Variants in RNF43 observed in about 807,000 individuals in gnomAD.
RNF43 encodes E3 ubiquitin-protein ligase RNF43.
Under a neutral mutation model 78.4 loss-of-function variants are expected in RNF43, and 37 were observed. The observed-to-expected ratio is 0.47, with a 90% CI of 0.36 to 0.62. The LOEUF (loss-of-function observed/expected upper bound fraction) is 0.62, where lower values mean the gene tolerates loss of function less well. Ranked by LOEUF, RNF43 falls within the 20% of genes least tolerant of loss-of-function variation. The pLI, the probability that RNF43 is intolerant of heterozygous loss-of-function variation, is 0.00. For missense variants in RNF43, 774 were observed against 1,007.9 expected, an observed-to-expected ratio of 0.77 and a Z score of 3.14; for synonymous variants, 347 against 395.0, an observed-to-expected ratio of 0.88 and a Z score of 1.44.
chr17:58,402,399 G>A (rs1382450536), intron 2 of RNF43, among the ~76,000 whole-genome samples: 1 of 152,178 alleles, frequency 6.6e-6, no homozygotes, highest in East Asian at 1.9e-4. Flanking sequence ...CTTTGCCCAA[G>A]GCATAATTCT....
At chr17:58,412,051 T>A (rs1017731167) in intron 2 of RNF43, among the ~76,000 whole-genome samples, 9 of 152,190 alleles carry the variant, frequency 5.9e-5, no homozygotes, top group Admixed American at 3.3e-4. Context: ...AAAAGTTTCC[T>A]TGACCTAGAT....
chr17:58,353,151 T>A (rs1462537967), downstream of RNF43: 1 of 208,206 alleles, frequency 4.8e-6, no homozygotes, highest in Non-Finnish European at 9.8e-6. Context: ...GCGCTGTCAT[T>A]CCAGCCCAGC....
rs567519841 is a variant in RNF43 at position 58,369,533 on chromosome 17, C to G, written c.375+1378G>C. On this transcript the variant is annotated intron_variant, in intron 3 of 9. Transcript: ENST00000407977. ...AAGGCCGGGAGTGTCACTCTCCTCT[C>G]TCACCACCCTTGGGGGCATACCCGT... is the stretch of plus-strand genomic sequence containing the variant. 3.9e-5 allele frequency among the ~76,000 whole-genome samples: 6 copies of G among 152,362 alleles called. No individual in the cohort carries two copies. The East Asian group carries it at 1.2e-3, about 29-fold the overall frequency.
intron 2 of RNF43, among the ~76,000 whole-genome samples, chr17:58,406,970 ATTT>A (rs992668552): frequency 6.6e-6 from 1 of 151,750 alleles, no homozygotes; most frequent in Non-Finnish European, 1.5e-5. Flanking sequence ...ATTATAGTCA[ATTT>A]CCATCATGAC....
At position 58,357,522 on chromosome 17, in the gene RNF43, C is replaced by T. The variant is rs747371137; in HGVS notation, c.2254G>A (p.Ala752Thr). 43 of 1,614,096 alleles carry T rather than the reference C, an allele frequency of 2.7e-5. No individual in the cohort carries two copies. The highest frequency in any genetic ancestry group is 1.6e-4 in the Middle Eastern group (1 of 6,084). ...EGPSEWSSDTAEGRPCPYPHC... is the reference protein window; with the variant it reads ...EGPSEWSSDTTEGRPCPYPHC... ...GGATAAGGGCATGGCCTGCCCTCTG[C>T]GGTGTCAGAACTCCATTCAGAAGGC... Residue 752 changes from alanine (A) to threonine (T), a missense_variant, in exon 9 of 10, where the codon GCA becomes ACA. Physicochemically the swap from Ala to Thr is moderately conservative, Grantham distance 58 (BLOSUM62 0). Coordinates refer to ENST00000407977, the MANE Select transcript of RNF43 (RefSeq NM_017763.6). The surrounding 1 kb of genome is among the most constrained non-coding windows in gnomAD (Gnocchi z 4.5).
rs887022726 is a variant in RNF43 at position 58,358,654 on chromosome 17, G to A, written c.1122C>T (p.Pro374=). Residue 374 remains proline (P), a synonymous_variant, in exon 9 of 10, where the codon CCC becomes CCT. Coordinates refer to ENST00000407977, the MANE Select transcript of RNF43 (RefSeq NM_017763.6). The surrounding 1 kb of genome is among the most constrained non-coding windows in gnomAD (Gnocchi z 6.2). ...TGCCTGGCTCCTGGGATGGCAGGAA[G>A]GGACCAGGTCGTGGGGGCCGAGCCA... The part of the protein sequence containing the change: ...SAVARPPRPG[P]FLPSQEPGMG... The A allele has an allele frequency of 6.5e-7, 1 of 1,527,142 alleles. No individual in the cohort carries two copies. Among genetic ancestry groups the A allele is most frequent in the African/African-American group, 1.4e-5 (1 of 73,084 alleles). 94.6% of individuals were successfully genotyped at this position (1,527,142 alleles called of 1,614,324 possible).
At chr17:58,362,673 G>A (rs1227024969) in intron 5 of RNF43, 25 bp from the exon 6 acceptor site, 5 of 1,567,868 alleles carry the variant, frequency 3.2e-6, no homozygotes, top group East Asian at 2.3e-5. Flanking sequence ...GAGAGGGAAA[G>A]GGTCATACTT....
chr17:58,382,161 C>T (rs895829841), intron 2 of RNF43, among the ~76,000 whole-genome samples: 2 of 152,184 alleles, frequency 1.3e-5, no homozygotes, highest in African/African-American at 2.4e-5. Context: ...TTGTGACCCA[C>T]TCTCTTACCT....
intron 2 of RNF43, among the ~76,000 whole-genome samples, chr17:58,383,207 G>A (rs1325387647): frequency 1.3e-5 from 2 of 152,118 alleles, no homozygotes; most frequent in Admixed American, 6.5e-5. Context: ...TCTTACCTTT[G>A]GTGGGATGAG....
chr17:58,358,619 C>T lies in RNF43; in HGVS notation c.1157G>A (p.Arg386Gln), dbSNP rs769498996. Reference protein sequence around the residue: ...LPSQEPGMGPRHHRFPRAAHP... With the variant: ...LPSQEPGMGPQHHRFPRAAHP... ...TGCAGCTCTGGGGAAGCGGTGATGC[C>T]GAGGGCCCATGCCTGGCTCCTGGGA... The change falls in exon 9 of 10, where the codon CGG becomes CAG. Residue 386 changes from arginine (R) to glutamine (Q), a missense_variant. Coordinates refer to ENST00000407977, the MANE Select transcript of RNF43 (RefSeq NM_017763.6). This position sits in a 1 kb window ranked among gnomAD's most constrained non-coding sequence, Gnocchi z 6.2. 3.5e-5 allele frequency: 54 copies of T among 1,557,158 alleles called. No homozygotes were observed. The highest frequency in any genetic ancestry group is 1.1e-4 in the East Asian group (5 of 43,492).
intron 3 of RNF43, among the ~76,000 whole-genome samples, chr17:58,366,665 C>A (rs1460759470): frequency 6.6e-6 from 1 of 152,302 alleles, no homozygotes; most frequent in East Asian, 1.9e-4. Context: ...CACTTCACTA[C>A]TCTGTGTCTG....
In RNF43 at chr17:58,354,836, A is replaced by C; in HGVS notation, c.*107T>G. The C allele has an allele frequency of 9.9e-7, 1 of 1,014,394 alleles. No individual in the cohort carries two copies. The highest frequency in any genetic ancestry group is 1.6e-6 in the Non-Finnish European group (1 of 639,688). 62.8% of individuals were successfully genotyped at this position (1,014,394 alleles called of 1,614,324 possible). ...TGCTTCTAGGAAGTACGGCAAAAAG[A>C]ATGGTGTTTGCTGTGGTCCTTTCCT... On this transcript the variant is annotated 3_prime_UTR_variant, in exon 10 of 10. Coordinates refer to ENST00000407977, the MANE Select transcript of RNF43 (RefSeq NM_017763.6).
At position 58,358,591 on chromosome 17, in the gene RNF43, A is replaced by G. The variant is rs981456911; in HGVS notation, c.1185T>C (p.His395=). The G allele has an allele frequency of 2.5e-6, 4 of 1,589,984 alleles. No homozygotes were observed. Among genetic ancestry groups the G allele is most frequent in the Middle Eastern group, 3.3e-4 (2 of 5,976 alleles). ...PRHHRFPRAA[H]PRAPGEQQRL... Reference sequence around the variant, plus strand: ...GCTGCTGCTCTCCTGGAGCCCGGGGATGTGCAGCTCTGGGGAAGCGGTGAT... The same window carrying G: ...GCTGCTGCTCTCCTGGAGCCCGGGGGTGTGCAGCTCTGGGGAAGCGGTGAT... Residue 395 remains histidine (H), a synonymous_variant, in exon 9 of 10, where the codon CAT becomes CAC. Transcript: ENST00000407977. The surrounding 1 kb of genome is among the most constrained non-coding windows in gnomAD (Gnocchi z 6.2).
intron 3 of RNF43, among the ~76,000 whole-genome samples, chr17:58,367,565 T>C (rs1254165812): frequency 6.6e-6 from 1 of 152,154 alleles, no homozygotes; most frequent in Admixed American, 6.5e-5. Flanking sequence ...ACCCATCTGC[T>C]TTTCTCCAGA....
chr17:58,354,795 A>T lies in RNF43; in HGVS notation c.*148T>A. 1 of 740,784 alleles carries T rather than the reference A, an allele frequency of 1.3e-6. No individual in the cohort carries two copies. The allele number at this position is 740,784 out of a possible 1,614,324, so 45.9% of individuals were successfully genotyped here. On this transcript the variant is annotated 3_prime_UTR_variant, in exon 10 of 10. Transcript: ENST00000407977. ...CGGCACCCTCTCACCCTCCACCATC[A>T]CCAGTCCTCTTCCAGTGCTTCTAGG...
chr17:58,353,594 T>G, downstream of RNF43: 1 of 207,704 alleles, frequency 4.8e-6, no homozygotes, highest in Non-Finnish European at 9.8e-6. Context: ...ATAAATAATT[T>G]ACTTCTCTTG....
In RNF43 at chr17:58,415,656, G is replaced by T; in HGVS notation, c.-79C>A. 1 of 1,493,256 alleles carries T rather than the reference G, an allele frequency of 6.7e-7. No homozygotes were observed. The highest frequency in any genetic ancestry group is 9.1e-7 in the Non-Finnish European group (1 of 1,100,596). 92.5% of individuals were successfully genotyped at this position (1,493,256 alleles called of 1,614,324 possible). On this transcript the variant is annotated 5_prime_UTR_variant, in exon 2 of 10. It adds an upstream start codon to the 5' untranslated region. Transcript: ENST00000407977. ...TACCAAATGCAGGTTCTCAGATCCA[G>T]ACAAATGGAGGAAAAGAACATTTAT...
chr17:58,413,638 C>T (rs1421071255), intron 2 of RNF43, among the ~76,000 whole-genome samples: 2 of 151,894 alleles, frequency 1.3e-5, no homozygotes, highest in South Asian at 2.1e-4. Context: ...GTGAGAAAAA[C>T]GATAGAACAA....
At chr17:58,405,159 G>A (rs183554695) in intron 2 of RNF43, among the ~76,000 whole-genome samples, 71 of 138,272 alleles carry the variant, frequency 5.1e-4, no homozygotes, top group African/African-American at 1.8e-3. Flanking sequence ...CTCACTGCAA[G>A]CTCCACCTCC....
Sources: allele counts gnomAD v4.1 joint callset (sites outside exome capture counted in the v4.1 genomes callset), GRCh38; gene constraint gnomAD v4.1.1; non-coding constraint Gnocchi (gnomAD v3.1); transcripts MANE v1.5; gene names NCBI Gene and HGNC (gene_info 2026-07-23, HGNC 2026-07-21).